The following LMNB1 variants were observed in gnomAD, a reference collection of about 807,000 sequenced individuals.
LMNB1 encodes lamin-B1.
Under a neutral mutation model 67.1 loss-of-function variants are expected in LMNB1, and 23 were observed. The ratio of observed to expected loss-of-function variants is 0.34; its 90% CI spans 0.25 to 0.49. The LOEUF (loss-of-function observed/expected upper bound fraction) is 0.49, where lower values mean the gene tolerates loss of function less well. LMNB1 is among the 20% of genes least tolerant of loss of function. The pLI, the probability that LMNB1 is intolerant of heterozygous loss-of-function variation, is 0.99. For synonymous variants in LMNB1, 281 were observed against 282.9 expected, an observed-to-expected ratio of 0.99 and a Z score of 0.07; for missense variants, 634 against 746.5, an observed-to-expected ratio of 0.85 and a Z score of 1.76.
intron 1 of LMNB1, among the ~76,000 whole-genome samples, chr5:126,779,984 A>C (rs562344749): frequency 2.4e-4 from 37 of 151,928 alleles, no homozygotes; most frequent in South Asian, 1.0e-3. Flanking sequence ...GTGAGCTGAG[A>C]TTGCGCCATT....
chr5:126,787,249 G>A (rs1306062762), intron 1 of LMNB1, among the ~76,000 whole-genome samples: 2 of 151,920 alleles, frequency 1.3e-5, no homozygotes, highest in Non-Finnish European at 2.9e-5. Flanking sequence ...AACAAGGACC[G>A]CTACCTAAGG....
At position 126,810,214 on chromosome 5, in the gene LMNB1, G is replaced by C. The variant is rs758503048; in HGVS notation, c.677G>C (p.Arg226Pro). Residue 226 changes from arginine to proline, a missense_variant, in exon 4 of 11, where the codon CGC becomes CCC. Transcript: ENST00000261366. ...INETRRKHETRLVEVDSGRQI... is the reference protein window; with the variant it reads ...INETRRKHETPLVEVDSGRQI... ...GAGACCAGAAGGAAGCATGAAACGCGCTTGGTAGAGGTGGATTCTGGGCGT... is the reference window on the plus strand; with the variant it reads ...GAGACCAGAAGGAAGCATGAAACGCCCTTGGTAGAGGTGGATTCTGGGCGT... 1 of 1,613,326 alleles carries C rather than the reference G, an allele frequency of 6.2e-7. No homozygotes were observed. Among genetic ancestry groups the C allele is most frequent in the Admixed American group, 1.7e-5 (1 of 60,022 alleles).
chr5:126,793,021 C>G (rs137983991), intron 1 of LMNB1, among the ~76,000 whole-genome samples: 2 of 152,184 alleles, frequency 1.3e-5, no homozygotes, highest in East Asian at 3.9e-4. Context: ...TGTGAGGCCA[C>G]CAATGGAACC....
intron 1 of LMNB1, among the ~76,000 whole-genome samples, chr5:126,802,513 G>T (rs536546508): frequency 6.6e-6 from 1 of 151,956 alleles, no homozygotes; most frequent in Non-Finnish European, 1.5e-5. Context: ...GTATGATCTC[G>T]GCTCACTGCA....
At chr5:126,830,702 A>G (rs998772368) in intron 9 of LMNB1, among the ~76,000 whole-genome samples, 1 of 152,204 alleles carries the variant, frequency 6.6e-6, no homozygotes, top group African/African-American at 2.4e-5. Context: ...ATGTTTGCAT[A>G]TGGGATGTAT....
At chr5:126,807,250 A>C (rs772237121) in intron 3 of LMNB1, among the ~76,000 whole-genome samples, 1 of 152,264 alleles carries the variant, frequency 6.6e-6, no homozygotes, top group Non-Finnish European at 1.5e-5. Context: ...CATGCTGTTA[A>C]TGTGCTAGGC....
At chr5:126,807,752 T>C (rs1751481420) in intron 3 of LMNB1, among the ~76,000 whole-genome samples, 1 of 152,240 alleles carries the variant, frequency 6.6e-6, no homozygotes, top group African/African-American at 2.4e-5. Context: ...ATATAAAAAA[T>C]AGCATCAGTA....
chr5:126,814,160 G>C (rs1278464325), intron 5 of LMNB1, among the ~76,000 whole-genome samples: 1 of 152,178 alleles, frequency 6.6e-6, no homozygotes, highest in East Asian at 1.9e-4. Context: ...CTCCCAAAGT[G>C]TTGGGATTAT....
Position 126,803,793 on chromosome 5 carries a change from C to T in LMNB1, c.360-983C>T, listed in dbSNP as rs573689279. Among the ~76,000 whole-genome samples the T allele has an allele frequency of 3.1e-4, 47 of 152,216 alleles. No individual in the cohort carries two copies. In the South Asian group the frequency reaches 8.9e-3, roughly 29 times the overall value. On this transcript the variant is annotated intron_variant, in intron 1 of 10. Coordinates refer to ENST00000261366, the MANE Select transcript of LMNB1 (RefSeq NM_005573.4). ...CTCGAACTCCTGACCTCAAGTGATCCGCCAGCCTTGGCCTTCCAAAGTGCT... is the reference window on the plus strand; with the variant it reads ...CTCGAACTCCTGACCTCAAGTGATCTGCCAGCCTTGGCCTTCCAAAGTGCT...
chr5:126,822,984 G>A (rs1312079118), intron 8 of LMNB1, 99 bp downstream of exon 8: 1 of 719,134 alleles, frequency 1.4e-6, no homozygotes, highest in Non-Finnish European at 2.4e-6. Context: ...TTTAGAAATG[G>A]CCGTTAAAGT....
intron 1 of LMNB1, among the ~76,000 whole-genome samples, chr5:126,786,112 C>CTTTTTTTTTGCTTTACAGACATTATCT (rs1750773558): frequency 9.4e-6 from 1 of 106,668 alleles, no homozygotes; most frequent in Non-Finnish European, 1.8e-5. Context: ...CAGACATTAT[C>CTTTTTTTTTGCTTTACAGACATTATCT]TTTTTTTTTT....
chr5:126,780,330 G>A (rs911939079), intron 1 of LMNB1, among the ~76,000 whole-genome samples: 6 of 152,228 alleles, frequency 3.9e-5, no homozygotes, highest in Middle Eastern at 3.2e-3. Flanking sequence ...ATCCCAGCAA[G>A]TAAAGAAAGA....
intron 1 of LMNB1, among the ~76,000 whole-genome samples, chr5:126,783,718 G>T (rs1750689564): frequency 1.3e-5 from 2 of 151,902 alleles, no homozygotes. Context: ...AAATATGGTG[G>T]GTCTTTTCTT....
chr5:126,777,442 C>A lies in LMNB1; in HGVS notation c.-67C>A. On this transcript the variant is annotated 5_prime_UTR_variant, in exon 1 of 11. Transcript: ENST00000261366. ...TGTGCCTTCGGTCCCCGCTTCGCCC[C>A]CTGCCGTCCCCTCCTTATCACGGTC... The A allele has an allele frequency of 7.9e-7, 1 of 1,263,174 alleles. No homozygotes were observed. Among genetic ancestry groups the A allele is most frequent in the South Asian group, 3.1e-5 (1 of 32,582 alleles). The allele number at this position is 1,263,174 out of a possible 1,614,324, so 78.2% of individuals were successfully genotyped here. A position where few individuals can be genotyped will look rare whatever the true frequency, so the allele number is the denominator to read the frequency against.
At chr5:126,799,307 C>G (rs1291885814) in intron 1 of LMNB1, among the ~76,000 whole-genome samples, 1 of 152,192 alleles carries the variant, frequency 6.6e-6, no homozygotes, top group Non-Finnish European at 1.5e-5. Context: ...CCACCGCGCC[C>G]GGCCGCGATG....
Position 126,777,445 on chromosome 5 carries a change from G to A in LMNB1, c.-64G>A. ...GCCTTCGGTCCCCGCTTCGCCCCCTGCCGTCCCCTCCTTATCACGGTCCCG... is the reference window on the plus strand; with the variant it reads ...GCCTTCGGTCCCCGCTTCGCCCCCTACCGTCCCCTCCTTATCACGGTCCCG... On this transcript the variant is annotated 5_prime_UTR_variant, in exon 1 of 11. Transcript: ENST00000261366. The A allele has an allele frequency of 7.9e-7, 1 of 1,267,392 alleles. No individual in the cohort carries two copies. Among genetic ancestry groups the A allele is most frequent in the African/African-American group, 1.6e-5 (1 of 64,080 alleles). The allele number at this position is 1,267,392 out of a possible 1,614,324, so 78.5% of individuals were successfully genotyped here. A position where few individuals can be genotyped will look rare whatever the true frequency, so the allele number is the denominator to read the frequency against.
At chr5:126,816,755 C>T (rs186947131) in intron 5 of LMNB1, among the ~76,000 whole-genome samples, 8 of 152,192 alleles carry the variant, frequency 5.3e-5, no homozygotes, top group East Asian at 1.9e-4. Flanking sequence ...TGGATTTGTC[C>T]GGTGCTTTTC....
chr5:126,812,851 C>A (rs1429920668), intron 5 of LMNB1, among the ~76,000 whole-genome samples: 1 of 151,694 alleles, frequency 6.6e-6, no homozygotes, highest in African/African-American at 2.4e-5. Context: ...CTGCCTCAGC[C>A]TCCCAAGTAG....
At chr5:126,834,603 C>G (rs530088383) in intron 10 of LMNB1, among the ~76,000 whole-genome samples, 1 of 152,344 alleles carries the variant, frequency 6.6e-6, no homozygotes, top group African/African-American at 2.4e-5. Flanking sequence ...AAGAATGTGG[C>G]CGGGCACGGT....
Sources: gnomAD v4.1 joint callset for allele counts (sites outside exome capture counted in the v4.1 genomes callset) on GRCh38, gnomAD v4.1.1 for gene constraint, MANE v1.5 for transcripts, NCBI Gene and HGNC (gene_info 2026-07-23, HGNC 2026-07-21) for gene names.